The following NOTCH2 variants were observed in gnomAD, a reference collection of about 807,000 sequenced individuals.
The protein encoded by NOTCH2 is notch receptor 2, also known as neurogenic locus notch homolog protein 2.
Under a neutral mutation model 235.8 loss-of-function variants are expected in NOTCH2, and 29 were observed. The observed-to-expected ratio is 0.12, with a 90% CI of 0.09 to 0.17. The LOEUF (loss-of-function observed/expected upper bound fraction) is 0.17. Among genes scored for constraint, NOTCH2 ranks in the 10% least tolerant of loss-of-function variants. The pLI is 1.00. For synonymous variants in NOTCH2, 1,086 were observed against 1,141.5 expected (o/e 0.95, Z 0.98); for missense variants, 2,285 against 3,150.2 (o/e 0.73, Z 6.57).
intron 25 of NOTCH2, 138 bp downstream of exon 25, chr1:119,925,167 G>A: frequency 1.9e-6 from 2 of 1,029,626 alleles, no homozygotes; most frequent in South Asian, 1.3e-5. Context: ...AGGGCAGTGT[G>A]CGATGGGACA....
Position 120,005,489 on chromosome 1 carries a change from C to T in NOTCH2, c.255G>A (p.Leu85=). 1 of 1,613,536 alleles carries T rather than the reference C, an allele frequency of 6.2e-7. No homozygotes were observed. ...AGGCACATCGGCACGTGGCTTTCCC[C>T]AGCATGGCCTGGGCCACACAAGTCC... ...NGGTCVAQAM[L]GKATCRCASG... is the part of the protein sequence containing the mutation. The change falls in exon 3 of 34, where the codon CTG becomes CTA. Residue 85 remains leucine (L), a synonymous_variant. Coordinates refer to ENST00000256646, the MANE Select transcript of NOTCH2 (RefSeq NM_024408.4).
chr1:120,015,948 T>A (rs1478769385), intron 2 of NOTCH2, among the ~76,000 whole-genome samples: 2 of 125,542 alleles, frequency 1.6e-5, no homozygotes, highest in Admixed American at 8.2e-5. Context: ...CAACCCCCCC[T>A]TCTCTCAAAA....
chr1:119,946,760 C>T (rs1228101385), intron 17 of NOTCH2, among the ~76,000 whole-genome samples: 4 of 152,010 alleles, frequency 2.6e-5, no homozygotes, highest in Non-Finnish European at 5.9e-5. Flanking sequence ...GGATCAAAAA[C>T]AAGGTAAGGC....
intron 1 of NOTCH2, 126 bp downstream of exon 1, chr1:120,069,208 G>C: frequency 6.5e-7 from 1 of 1,527,912 alleles, no homozygotes; most frequent in Non-Finnish European, 8.7e-7. Flanking sequence ...AACCCAGCGA[G>C]TGGCCTCGCT....
intron 5 of NOTCH2, among the ~76,000 whole-genome samples, chr1:119,979,311 A>G (rs1553201354): frequency 6.6e-6 from 1 of 152,172 alleles, no homozygotes; most frequent in East Asian, 1.9e-4. Context: ...TTTCCTGACA[A>G]CTCTACAACA....
rs1359356708 is a variant in NOTCH2, at chr1:120,058,296, G to A, written c.73+11038C>T. 2.1e-3 allele frequency among the ~76,000 whole-genome samples: 319 copies of A among 151,866 alleles called. 1 individual carries two copies. The highest frequency in any genetic ancestry group is 2.6e-3 in the Non-Finnish European group (177 of 67,728). On this transcript the variant is annotated intron_variant, in intron 1 of 33. Coordinates refer to ENST00000256646, the MANE Select transcript of NOTCH2 (RefSeq NM_024408.4). ...AGGCGGGCGGATCACCTGAGGTCAG[G>A]AGTACGAGACCAGCCTGCCCAACAT...
At chr1:119,975,062 G>A (rs1485029078) in intron 5 of NOTCH2, among the ~76,000 whole-genome samples, 2 of 152,164 alleles carry the variant, frequency 1.3e-5, no homozygotes, top group African/African-American at 4.8e-5. Context: ...ACAGTTAGTT[G>A]GCAAAATAAT....
Position 119,915,309 on chromosome 1 carries a change from C to T in NOTCH2, c.7413G>A (p.Ala2471=), listed in dbSNP as rs771638958. Residue 2471 remains alanine (A), a synonymous_variant, in exon 34 of 34, where the codon GCG becomes GCA. Transcript: ENST00000256646. ...EPPHNNMQVY[A] is the part of the protein sequence containing the mutation. ...TCTACACTGGAGGTGGACTCTCTCA[C>T]GCATAAACCTGCATGTTGTTGTGTG... is the stretch of plus-strand genomic sequence containing the variant. 3.8e-5 allele frequency: 62 copies of T among 1,612,928 alleles called. No homozygotes were observed. In the Admixed American group the frequency reaches 4.5e-4, roughly 12 times the overall value.
At chr1:119,957,829 A>AC (rs1650762079) in intron 12 of NOTCH2, among the ~76,000 whole-genome samples, 7 of 116,500 alleles carry the variant, frequency 6.0e-5, no homozygotes, top group Non-Finnish European at 1.1e-4. Context: ...GCCTTATATA[A>AC]ACACACACAC....
chr1:119,912,938 A>G lies in NOTCH2; in HGVS notation c.*2368T>C. The stretch of plus-strand genomic sequence containing the variant: ...ATCCAAATTAAAGTAGTCCAAGAAA[A>G]AGAAACAAGCAATTTGGTCTGACAT... On this transcript the variant is annotated 3_prime_UTR_variant, in exon 34 of 34. Transcript: ENST00000256646. The G allele has an allele frequency of 4.3e-6, 1 of 233,602 alleles. No individual in the cohort carries two copies. Among genetic ancestry groups the G allele is most frequent in the Non-Finnish European group, 8.5e-6 (1 of 117,990 alleles). The allele number at this position is 233,602 out of a possible 1,614,324, so 14.5% of individuals were successfully genotyped here.
At chr1:119,953,756 AGGACTTGGTGAAGAAAT>A (rs1169149582) in intron 13 of NOTCH2, 68 bp from the exon 14 acceptor site, 2 of 1,385,368 alleles carry the variant, frequency 1.4e-6, no homozygotes, top group Non-Finnish European at 1.0e-6. Context: ...AGTGAAATAC[AGGACTTGGTGAAGAAAT>A]GGGGTAAACT....
chr1:119,996,252 A>T (rs1652441119), intron 4 of NOTCH2: 2 of 192,136 alleles, frequency 1.0e-5, no homozygotes, highest in African/African-American at 4.7e-5. Flanking sequence ...AAGCTCCCCG[A>T]CACTGCTCCT....
At chr1:119,958,969 T>C (rs1650830766) in intron 12 of NOTCH2, among the ~76,000 whole-genome samples, 2 of 152,136 alleles carry the variant, frequency 1.3e-5, no homozygotes, top group African/African-American at 4.8e-5. Flanking sequence ...TTCAGTATTT[T>C]CACAGAATTC....
chr1:119,917,845 C>T (rs1427333226), intron 32 of NOTCH2, 83 bp from the exon 33 acceptor site: 15 of 894,630 alleles, frequency 1.7e-5, no homozygotes, highest in Non-Finnish European at 2.6e-5. Context: ...AAATCTTAAA[C>T]TCCCCAGAGA....
In NOTCH2 at chr1:119,922,674, A is replaced by G. The variant is rs1475486687; in HGVS notation, c.4964T>C (p.Ile1655Thr). The stretch of plus-strand genomic sequence containing the variant: ...AAGAGGGTATGACAGGGTCCCCTGT[A>G]TGGCGTGAGAGGCCAGGAGAGCTGC... ...AAAALLASHA[I>T]QGTLSYPLVS... Residue 1655 changes from isoleucine (I) to threonine (T), a missense_variant, in exon 27 of 34, where the codon ATA becomes ACA. This residue lies in a region of NOTCH2 where 1,173 missense variants were observed against 1,515.3 expected (regional missense o/e 0.77). Transcript: ENST00000256646. 6 of 1,614,038 alleles carry G rather than the reference A, an allele frequency of 3.7e-6. No individual in the cohort carries two copies. Among genetic ancestry groups the G allele is most frequent in the Non-Finnish European group, 5.1e-6 (6 of 1,180,038 alleles).
chr1:120,039,187 G>A (rs868964029), intron 1 of NOTCH2, among the ~76,000 whole-genome samples: 47 of 152,280 alleles, frequency 3.1e-4, no homozygotes, highest in Middle Eastern at 6.8e-3. Flanking sequence ...CAGAGAGGAA[G>A]AAGCTGTATC....
At chr1:119,966,607 A>C (rs1651147100) in intron 8 of NOTCH2, 118 bp from the exon 9 acceptor site, 1 of 759,240 alleles carries the variant, frequency 1.3e-6, no homozygotes, top group Admixed American at 1.9e-5. Context: ...TTCTGCAGAG[A>C]AAAAAGGAAC....
rs183634491 is a variant in NOTCH2, at chr1:119,955,221, T to C, written c.2038A>G (p.Asn680Asp). Residue 680 changes from asparagine (N) to aspartate (D), a missense_variant, in exon 13 of 34, where the codon AAC (asparagine) becomes GAC (aspartate). Asn to Asp is a conservative substitution (Grantham distance 23). This residue lies in a region of NOTCH2 where 1,173 missense variants were observed against 1,515.3 expected (regional missense o/e 0.77). Coordinates refer to ENST00000256646, the MANE Select transcript of NOTCH2 (RefSeq NM_024408.4). ...CSPGFTGQRC[N>D]IDIDECASNP... ...GAGGCACACTCATCAATGTCAATGT[T>C]ACATCTCTGCCCTGTGGAGAAGGGG... 16 of 1,614,110 alleles carry C rather than the reference T, an allele frequency of 9.9e-6. No homozygotes were observed. The Admixed American group carries it at 2.5e-4, about 25-fold the overall frequency.
intron 1 of NOTCH2, among the ~76,000 whole-genome samples, chr1:120,047,791 GTCTC>G (rs1362257605): frequency 1.7e-5 from 2 of 120,714 alleles, no homozygotes; most frequent in African/African-American, 7.8e-5. Context: ...TTGAGATGCA[GTCTC>G]TCTCTATTGC....
Sources: allele counts gnomAD v4.1 joint callset (sites outside exome capture counted in the v4.1 genomes callset), GRCh38; gene constraint gnomAD v4.1.1; regional missense constraint gnomAD v4.1.1; transcripts MANE v1.5; gene names NCBI Gene and HGNC (gene_info 2026-07-23, HGNC 2026-07-21).